TIA1: variants seen among roughly 807,000 people sequenced by gnomAD.
TIA1 encodes the protein cytotoxic granule associated RNA binding protein TIA1.
In TIA1, 23 loss-of-function variants were observed where a neutral mutation model predicts 65.9. The ratio of observed to expected loss-of-function variants is 0.35; its 90% CI spans 0.25 to 0.49. TIA1 has a LOEUF of 0.49. Ranked by LOEUF, TIA1 falls within the 20% of genes least tolerant of loss-of-function variation. The pLI is 0.98. For missense variants in TIA1, 371 were observed against 477.9 expected (o/e 0.78, Z 2.09); for synonymous variants, 147 against 149.4 (o/e 0.98, Z 0.12).
intron 2 of TIA1, among the ~76,000 whole-genome samples, chr2:70,232,208 C>CA (rs11427986): frequency 0.35 from 21,951 of 63,538 alleles, 3,137 homozygotes; most frequent in East Asian, 0.45. Flanking sequence ...GACTCTGTCT[C>CA]AAAAAAAAAA....
Position 70,212,574 on chromosome 2 carries a change from T to C in TIA1, c.*145A>G. 1.8e-6 allele frequency: 1 copy of C among 552,772 alleles called. No homozygotes were observed. Among genetic ancestry groups the C allele is most frequent in the Non-Finnish European group, 3.3e-6 (1 of 306,276 alleles). 34.2% of individuals were successfully genotyped at this position (552,772 alleles called of 1,614,324 possible). On this transcript the variant is annotated 3_prime_UTR_variant, in exon 13 of 13. Transcript: ENST00000433529. ...TTAAAACAATGTGGATGATAAGTAA[T>C]TTCATGATTAAAAATGAATCTTTTA...
chr2:70,230,929 ATCT>A, intron 2 of TIA1, 75 bp from the exon 3 acceptor site: 3 of 1,145,512 alleles, frequency 2.6e-6, no homozygotes, highest in Non-Finnish European at 3.8e-6. Flanking sequence ...AAAAAAAAAA[ATCT>A]TAAACCAAGT....
intron 1 of TIA1, among the ~76,000 whole-genome samples, chr2:70,247,256 T>C (rs930390848): frequency 2.6e-5 from 4 of 152,114 alleles, no homozygotes; most frequent in Non-Finnish European, 5.9e-5. Flanking sequence ...TGACAATCTA[T>C]TAAGAAAACA....
At chr2:70,227,933 A>T in intron 5 of TIA1, 111 bp from the exon 6 acceptor site, 1 of 675,074 alleles carries the variant, frequency 1.5e-6, no homozygotes, top group Non-Finnish European at 2.5e-6. Context: ...CTTATGATAA[A>T]GTATAAATAA....
chr2:70,238,260 GTTTTTTTTTTTTT>G lies in TIA1; in HGVS notation c.27-2098_27-2086del, dbSNP rs763865705. 4.2e-5 allele frequency among the ~76,000 whole-genome samples: 4 copies of G among 94,596 alleles called. 1 individual carries two copies. The highest frequency in any genetic ancestry group is 3.5e-4 in the South Asian group (1 of 2,840). The allele number at this position is 94,596 out of a possible 152,430, so 62.1% of individuals were successfully genotyped here. A position where few individuals can be genotyped will look rare whatever the true frequency, so the allele number is the denominator to read the frequency against. The stretch of plus-strand genomic sequence containing the variant: ...ACTAAGAACATTGACGTTCCCCCAA[GTTTTTTTTTTTTT>G]TTTTTTTTTTTTTTGTGGACAAAGT... On this transcript the variant is annotated intron_variant, in intron 1 of 12. Coordinates refer to ENST00000433529, the MANE Select transcript of TIA1 (RefSeq NM_022173.4).
chr2:70,221,556 G>T (rs900083889), intron 7 of TIA1, among the ~76,000 whole-genome samples: 18 of 152,098 alleles, frequency 1.2e-4, no homozygotes, highest in African/African-American at 4.3e-4. Flanking sequence ...GTAATAACAA[G>T]AACAGCACAT....
chr2:70,236,120 TAA>T lies in TIA1; in HGVS notation c.80_81del (p.Phe27Ter). 1 of 1,613,004 alleles carries T rather than the reference TAA, an allele frequency of 6.2e-7. No homozygotes were observed. Among genetic ancestry groups the T allele is most frequent in the South Asian group, 1.1e-5 (1 of 90,982 alleles). ...DVTEALILQL[F>X]SQIGPCKNCK... ...CAGTTTTTACAAGGTCCAATCTGGC[TAA>T]AGAGTTGCAGAATTAGAGCTTCTGT... is the stretch of plus-strand genomic sequence containing the variant. On this transcript the variant is annotated frameshift_variant, in exon 2 of 13. Coordinates refer to ENST00000433529, the MANE Select transcript of TIA1 (RefSeq NM_022173.4). LOFTEE classifies it high-confidence loss of function.
At chr2:70,243,087 T>G (rs1384068413) in intron 1 of TIA1, among the ~76,000 whole-genome samples, 1 of 152,196 alleles carries the variant, frequency 6.6e-6, no homozygotes, top group Non-Finnish European at 1.5e-5. Context: ...TCATTTTGCT[T>G]AAGTTACCCT....
chr2:70,240,834 A>C (rs1038597770), intron 1 of TIA1, among the ~76,000 whole-genome samples: 1 of 152,146 alleles, frequency 6.6e-6, no homozygotes, highest in Admixed American at 6.6e-5. Context: ...ATTACACCAC[A>C]GTACTCCAGC....
At position 70,221,519 on chromosome 2, in the gene TIA1, G is replaced by A. The variant is rs1379574363; in HGVS notation, c.474+3035C>T. 2.0e-5 allele frequency among the ~76,000 whole-genome samples: 3 copies of A among 151,860 alleles called. 1 individual carries two copies. The highest frequency in any genetic ancestry group is 4.4e-5 in the Non-Finnish European group (3 of 67,974). On this transcript the variant is annotated intron_variant, in intron 7 of 12. Transcript: ENST00000433529. ...TTGATGAGAATGATCCAGTAGAGAA[G>A]GAATAGAGTGATGACACAGAATAGC...
At chr2:70,220,883 T>C (rs774328431) in intron 7 of TIA1, among the ~76,000 whole-genome samples, 3 of 150,934 alleles carry the variant, frequency 2.0e-5, no homozygotes, top group South Asian at 4.2e-4. Flanking sequence ...AGATACTAGA[T>C]GGCCAGGAAC....
intron 1 of TIA1, among the ~76,000 whole-genome samples, chr2:70,247,449 A>T (rs1694863989): frequency 6.6e-6 from 1 of 152,222 alleles, no homozygotes; most frequent in Non-Finnish European, 1.5e-5. Flanking sequence ...GAATATAAAC[A>T]AAAAGCTATG....
chr2:70,212,868 C>A, intron 12 of TIA1, 23 bp from the exon 13 acceptor site: 1 of 1,528,998 alleles, frequency 6.5e-7, no homozygotes, highest in Non-Finnish European at 9.1e-7. Flanking sequence ...GTGAAAGAAG[C>A]AGAGGGGAGA....
intron 1 of TIA1, among the ~76,000 whole-genome samples, chr2:70,247,643 C>A (rs972007275): frequency 1.3e-5 from 2 of 151,954 alleles, no homozygotes; most frequent in East Asian, 3.9e-4. Context: ...TCTAAAAATT[C>A]TCTGTAAATA....
rs1387935235 is a variant in TIA1, at chr2:70,216,662, G to A, written c.584-163C>T. The stretch of plus-strand genomic sequence containing the variant: ...TCAGAATTAAACCTCCCCCACGAAT[G>A]TCTAAAAAATTACCCAGTATTTTCT... On this transcript the variant is annotated intron_variant, in intron 8 of 12. Transcript: ENST00000433529. 3.6e-6 allele frequency: 5 copies of A among 1,381,774 alleles called. No homozygotes were observed. In the African/African-American group the frequency reaches 5.8e-5, roughly 16 times the overall value. The allele number at this position is 1,381,774 out of a possible 1,614,324, so 85.6% of individuals were successfully genotyped here.
At chr2:70,244,599 G>C (rs1030625487) in intron 1 of TIA1, among the ~76,000 whole-genome samples, 1 of 151,944 alleles carries the variant, frequency 6.6e-6, no homozygotes, top group African/African-American at 2.4e-5. Context: ...ACTTTGGGAG[G>C]CTGAGGCAGG....
At chr2:70,222,867 T>C (rs1201498203) in intron 7 of TIA1, among the ~76,000 whole-genome samples, 1 of 152,222 alleles carries the variant, frequency 6.6e-6, no homozygotes, top group Non-Finnish European at 1.5e-5. Flanking sequence ...TGAGCCGAAA[T>C]TGCGCCATTG....
At chr2:70,216,585 G>C in intron 8 of TIA1, 86 bp from the exon 9 acceptor site, 1 of 1,377,914 alleles carries the variant, frequency 7.3e-7, no homozygotes, top group Non-Finnish European at 1.0e-6. Context: ...CTACTGTAAA[G>C]GTAACATTAA....
rs1182080355 is a variant in TIA1 at position 70,210,517 on chromosome 2, T to C, written c.*2202A>G. ...CTGATACCACTTTCTTCTCAGAAAG[T>C]AGTCAATGTACATTTTAAGATTTGT... On this transcript the variant is annotated 3_prime_UTR_variant, in exon 13 of 13. Transcript: ENST00000433529. The C allele has an allele frequency of 6.6e-6, 1 of 152,320 alleles. No individual in the cohort carries two copies. The highest frequency in any genetic ancestry group is 3.4e-3 in the Middle Eastern group (1 of 294). The allele number at this position is 152,320 out of a possible 1,614,324, so 9.4% of individuals were successfully genotyped here. A position where few individuals can be genotyped will look rare whatever the true frequency, so the allele number is the denominator to read the frequency against.
Sources: gnomAD v4.1 joint callset for allele counts (sites outside exome capture counted in the v4.1 genomes callset) on GRCh38, gnomAD v4.1.1 for gene constraint, MANE v1.5 for transcripts, NCBI Gene and HGNC (gene_info 2026-07-23, HGNC 2026-07-21) for gene names.